FGR: variants seen among roughly 807,000 people sequenced by gnomAD.
The protein encoded by FGR is FGR proto-oncogene, Src family tyrosine kinase.
FGR carries 26 observed loss-of-function variants against 63.2 expected under a neutral mutation model. The ratio of observed to expected loss-of-function variants is 0.41; its 90% CI spans 0.30 to 0.57. The LOEUF is 0.57. FGR is among the 20% of genes least tolerant of loss of function. FGR has a pLI of 0.27. For synonymous variants in FGR, 286 were observed against 277.7 expected (o/e 1.03, Z -0.30); for missense variants, 511 against 690.8 (o/e 0.74, Z 2.92).
chr1:27,622,629 TC>T (rs1442614687), intron 4 of FGR, among the ~76,000 whole-genome samples: 2 of 152,010 alleles, frequency 1.3e-5, no homozygotes, highest in Admixed American at 1.3e-4. Context: ...CCTCAGCCTC[TC>T]AAGTAGCTGG....
chr1:27,615,813 G>C lies in FGR; in HGVS notation c.714C>G (p.Ile238Met). The change falls in exon 8 of 13, where the codon ATC (isoleucine) becomes ATG (methionine). Residue 238 changes from isoleucine to methionine, a missense_variant. Coordinates refer to ENST00000374005, the MANE Select transcript of FGR (RefSeq NM_005248.3). This position sits in a 1 kb window ranked among gnomAD's most constrained non-coding sequence, Gnocchi z 7.6. ...GCGGCTTCATGATGGTGCAGGGCGC[G>C]ATGAGCAGGTTGCACAGCCCGTCAT... Reference protein sequence around the residue: ...EVNDGLCNLLIAPCTIMKPQT... With the variant: ...EVNDGLCNLLMAPCTIMKPQT... 3.8e-6 allele frequency: 6 copies of C among 1,597,950 alleles called. No individual in the cohort carries two copies. The highest frequency in any genetic ancestry group is 5.1e-6 in the Non-Finnish European group (6 of 1,172,216).
At chr1:27,625,714 G>A (rs1408045585) in intron 1 of FGR, among the ~76,000 whole-genome samples, 2 of 152,184 alleles carry the variant, frequency 1.3e-5, no homozygotes, top group Non-Finnish European at 2.9e-5. Flanking sequence ...ACCGAGGTGA[G>A]TGGATCACAA....
rs747342521 is a variant in FGR, at chr1:27,614,631, C to A, written c.1096-48G>T. 4 of 1,599,698 alleles carry A rather than the reference C, an allele frequency of 2.5e-6. No homozygotes were observed. The Admixed American group carries it at 6.8e-5, about 27-fold the overall frequency. On this transcript the variant is annotated intron_variant, in intron 10 of 12. Coordinates refer to ENST00000374005, the MANE Select transcript of FGR (RefSeq NM_005248.3). The stretch of plus-strand genomic sequence containing the variant: ...GATGGGAGCTCATGTGGACTCACAA[C>A]ACCGTGGCCTGTTTGAGGGGTGAGG...
Position 27,613,093 on chromosome 1 carries a change from C to A in FGR, c.1411G>T (p.Val471Leu). Reference protein sequence around the residue: ...GMNKREVLEQVEQGYHMPCPP... With the variant: ...GMNKREVLEQLEQGYHMPCPP... ...CACGGCATGTGGTAGCCCTGCTCCA[C>A]CTGTTCCAACACTTCCCGTTTATTC... Residue 471 changes from valine to leucine, a missense_variant, in exon 13 of 13, where the codon GTG becomes TTG. Val to Leu is a conservative substitution (Grantham distance 32). Transcript: ENST00000374005. 1 of 1,614,200 alleles carries A rather than the reference C, an allele frequency of 6.2e-7. No homozygotes were observed. The highest frequency in any genetic ancestry group is 8.5e-7 in the Non-Finnish European group (1 of 1,180,032).
At position 27,634,458 on chromosome 1, in the gene FGR, G is replaced by A. The variant is rs985034589; in HGVS notation, c.-77+607C>T. Among the ~76,000 whole-genome samples the A allele has an allele frequency of 1.3e-5, 2 of 152,328 alleles. 1 individual carries two copies. Among genetic ancestry groups the A allele is most frequent in the South Asian group, 4.1e-4 (2 of 4,830 alleles). On this transcript the variant is annotated intron_variant, in intron 1 of 12. Coordinates refer to ENST00000374005, the MANE Select transcript of FGR (RefSeq NM_005248.3). Reference sequence around the variant, plus strand: ...GAGAGGGTCGCGGGGCCGCGGTCGCGGCCGCTAACGTTACCCTGCGGGCTG... The same window carrying A: ...GAGAGGGTCGCGGGGCCGCGGTCGCAGCCGCTAACGTTACCCTGCGGGCTG...
chr1:27,629,808 G>A (rs1353595796), intron 1 of FGR, among the ~76,000 whole-genome samples: 1 of 152,202 alleles, frequency 6.6e-6, no homozygotes, highest in African/African-American at 2.4e-5. Context: ...TACAGATGAA[G>A]AAACTGAGGC....
Position 27,615,688 on chromosome 1 carries a change from C to A in FGR, c.838+1G>T. 6.2e-7 allele frequency: 1 copy of A among 1,600,258 alleles called. No individual in the cohort carries two copies. Among genetic ancestry groups the A allele is most frequent in the Non-Finnish European group, 8.5e-7 (1 of 1,170,020 alleles). On this transcript the variant is annotated splice_donor_variant, in intron 8 of 12. Coordinates refer to ENST00000374005, the MANE Select transcript of FGR (RefSeq NM_005248.3). LOFTEE classifies it high-confidence loss of function. This position sits in a 1 kb window ranked among gnomAD's most constrained non-coding sequence, Gnocchi z 7.6. ...CGTCCCGGCCCCCGGGAGCTCCGTA[C>A]CCAGCCACACATCCCCGAAGCAGCC...
In FGR at chr1:27,615,817, A is replaced by G; in HGVS notation, c.710T>C (p.Leu237Pro). 1 of 1,597,104 alleles carries G rather than the reference A, an allele frequency of 6.3e-7. No homozygotes were observed. The highest frequency in any genetic ancestry group is 8.5e-7 in the Non-Finnish European group (1 of 1,171,742). Reference protein sequence around the residue: ...MEVNDGLCNLLIAPCTIMKPQ... With the variant: ...MEVNDGLCNLPIAPCTIMKPQ... ...CTTCATGATGGTGCAGGGCGCGATG[A>G]GCAGGTTGCACAGCCCGTCATTCAC... The change falls in exon 8 of 13, where the codon CTC (leucine) becomes CCC (proline). Residue 237 changes from leucine (L) to proline (P), a missense_variant. Leu to Pro is a moderately conservative substitution (Grantham distance 98). Transcript: ENST00000374005. This position sits in a 1 kb window ranked among gnomAD's most constrained non-coding sequence, Gnocchi z 7.6.
At chr1:27,613,601 G>C (rs753671538) in intron 11 of FGR, among the ~76,000 whole-genome samples, 11 of 151,592 alleles carry the variant, frequency 7.3e-5, no homozygotes, top group Non-Finnish European at 1.5e-4. Context: ...TACTAGGGAG[G>C]CTGCGGCAGG....
At position 27,615,040 on chromosome 1, in the gene FGR, G is replaced by T; in HGVS notation, c.1019-114C>A. 1 of 809,210 alleles carries T rather than the reference G, an allele frequency of 1.2e-6. No individual in the cohort carries two copies. Among genetic ancestry groups the T allele is most frequent in the Non-Finnish European group, 2.1e-6 (1 of 484,186 alleles). The allele number at this position is 809,210 out of a possible 1,614,324, so 50.1% of individuals were successfully genotyped here. A position where few individuals can be genotyped will look rare whatever the true frequency, so the allele number is the denominator to read the frequency against. ...CCACCTGGACCCGCCCCTCACTTAG[G>T]ACCCCGCGGGTGCCTCAACCCCTCA... On this transcript the variant is annotated intron_variant, in intron 9 of 12. Coordinates refer to ENST00000374005, the MANE Select transcript of FGR (RefSeq NM_005248.3). This position sits in a 1 kb window ranked among gnomAD's most constrained non-coding sequence, Gnocchi z 7.6.
rs372083839 is a variant in FGR, at chr1:27,614,538, G to A, written c.1141C>T (p.Arg381Cys). ...AGGATGTTGGCTGCCCTCAGGTCGC[G>A]GTGAATGTAGTTCATGCGTTCCATG... ...AYMERMNYIH[R>C]DLRAANILVG... The change falls in exon 11 of 13, where the codon CGC (arginine) becomes TGC (cysteine). Residue 381 changes from arginine to cysteine, a missense_variant. Coordinates refer to ENST00000374005, the MANE Select transcript of FGR (RefSeq NM_005248.3). 6 of 1,613,922 alleles carry A rather than the reference G, an allele frequency of 3.7e-6. No individual in the cohort carries two copies. In the African/African-American group the frequency reaches 5.3e-5, roughly 14 times the overall value.
At chr1:27,619,991 T>TCAGTTTC (rs1326590813) in intron 5 of FGR, among the ~76,000 whole-genome samples, 2 of 152,240 alleles carry the variant, frequency 1.3e-5, no homozygotes, top group East Asian at 3.9e-4. Context: ...TTTTTGAGCC[T>TCAGTTTC]CAGTTTCCTC....
At position 27,617,207 on chromosome 1, in the gene FGR, C is replaced by A. The variant is rs749636419; in HGVS notation, c.518G>T (p.Ser173Ile). 14 of 1,613,994 alleles carry A rather than the reference C, an allele frequency of 8.7e-6. 1 individual carries two copies. The African/African-American group carries it at 1.3e-4, about 15-fold the overall frequency. Residue 173 changes from serine (S) to isoleucine (I), a missense_variant, in exon 6 of 13, where the codon AGC becomes ATC. Coordinates refer to ENST00000374005, the MANE Select transcript of FGR (RefSeq NM_005248.3). The surrounding 1 kb of genome is among the most constrained non-coding windows in gnomAD (Gnocchi z 4.5). Reference protein sequence around the residue: ...NPQGAFLIRESETTKGAYSLS... With the variant: ...NPQGAFLIREIETTKGAYSLS... ...ACCACCCCTACCTTTGGTGGTCTCG[C>A]TTTCCCGAATGAGAAAGGCCCCCTG...
intron 9 of FGR, 41 bp from the exon 10 acceptor site, chr1:27,614,967 G>A: frequency 1.3e-6 from 2 of 1,525,534 alleles, no homozygotes; most frequent in South Asian, 1.2e-5. Flanking sequence ...GCCCTACCCC[G>A]GGCCCCAGCC....
intron 1 of FGR, among the ~76,000 whole-genome samples, chr1:27,634,502 C>T (rs2090151416): frequency 6.6e-6 from 1 of 152,206 alleles, no homozygotes; most frequent in East Asian, 1.9e-4. Context: ...ACCCCGACTT[C>T]GGCCGGCTCG....
At chr1:27,620,655 T>C (rs1393786540) in intron 5 of FGR, among the ~76,000 whole-genome samples, 3 of 151,342 alleles carry the variant, frequency 2.0e-5, no homozygotes, top group Admixed American at 2.0e-4. Context: ...TTGTGAGAAT[T>C]AAGTGAACCA....
chr1:27,614,370 G>T (rs1216865877), intron 11 of FGR, 60 bp downstream of exon 11: 12 of 1,562,104 alleles, frequency 7.7e-6, no homozygotes, highest in Non-Finnish European at 8.7e-6. Context: ...AGTGCGTGGG[G>T]CCCCATGGAA....
chr1:27,623,969 G>A, intron 2 of FGR, 40 bp from the exon 3 acceptor site: 3 of 1,498,570 alleles, frequency 2.0e-6, no homozygotes, highest in Non-Finnish European at 2.7e-6. Flanking sequence ...ACCCCTGCCA[G>A]GTGCACCACC....
At position 27,623,739 on chromosome 1, in the gene FGR, C is replaced by T. The variant is rs910120741; in HGVS notation, c.178G>A (p.Ala60Thr). 6.2e-7 allele frequency: 1 copy of T among 1,614,202 alleles called. No homozygotes were observed. The highest frequency in any genetic ancestry group is 8.5e-7 in the Non-Finnish European group (1 of 1,180,034). The change falls in exon 3 of 13, where the codon GCC becomes ACC. Residue 60 changes from alanine (A) to threonine (T), a missense_variant. Transcript: ENST00000374005. ...CTATCAAGGAAGCCAGGGTTGATGGCCTGAGAGGAGAAGTTGCTGTAGTTG... is the reference window on the plus strand; with the variant it reads ...CTATCAAGGAAGCCAGGGTTGATGGTCTGAGAGGAGAAGTTGCTGTAGTTG... ...IPNYSNFSSQ[A>T]INPGFLDSGT...
Sources: gnomAD v4.1 joint callset for allele counts (sites outside exome capture counted in the v4.1 genomes callset) on GRCh38, gnomAD v4.1.1 for gene constraint, Gnocchi (gnomAD v3.1) non-coding constraint, MANE v1.5 for transcripts, NCBI Gene and HGNC (gene_info 2026-07-23, HGNC 2026-07-21) for gene names.